The following CLNK variants were observed in gnomAD, a reference collection of about 807,000 sequenced individuals.
CLNK encodes the protein cytokine dependent hematopoietic cell linker, also known as cytokine-dependent hematopoietic cell linker.
Under a neutral mutation model 68.6 loss-of-function variants are expected in CLNK, and 74 were observed. The observed-to-expected ratio is 1.08, with a 90% CI of 0.89 to 1.31. The LOEUF is 1.31. Among genes scored for constraint, CLNK ranks in the 50% most tolerant of loss-of-function variants. The probability of loss-of-function intolerance (pLI) is 0.00; values close to 1 mark genes in which losing one functional copy is unlikely to be tolerated. For synonymous variants in CLNK, 198 were observed against 172.2 expected (o/e 1.15, Z -1.17); for missense variants, 553 against 515.3 (o/e 1.07, Z -0.71).
At chr4:10,730,113 C>T in the CLNK span, among the ~76,000 whole-genome samples, 1 of 152,124 alleles carries the variant, frequency 6.6e-6, no homozygotes, top group Non-Finnish European at 1.5e-5. Context: ...GGCTGTGGGG[C>T]CCTAGTCACG....
rs1158317670 is a variant in CLNK at position 10,637,583 on chromosome 4, C to CTTT, written c.11+30273_11+30275dup. The stretch of plus-strand genomic sequence containing the variant: ...CTCCTGGAACATGCCCACCATTCCT[C>CTTT]TTTTTTTTTTTTTTTTTTTTTTTTT... On this transcript the variant is annotated intron_variant, in intron 2 of 18. Coordinates refer to ENST00000226951, the MANE Select transcript of CLNK (RefSeq NM_052964.4). 1.8e-3 allele frequency among the ~76,000 whole-genome samples: 128 copies of CTTT among 71,444 alleles called. 11 individuals are homozygous for CTTT. The highest frequency in any genetic ancestry group is 3.1e-3 in the Admixed American group (15 of 4,890). 46.9% of individuals were successfully genotyped at this position (71,444 alleles called of 152,430 possible).
chr4:10,522,260 A>C (rs1718109184), intron 14 of CLNK, among the ~76,000 whole-genome samples: 1 of 4,364 alleles, frequency 2.3e-4, no homozygotes, highest in Non-Finnish European at 1.1e-3. Context: ...TCTGTCTCAA[A>C]AAAAAAAAAA....
At chr4:10,602,441 G>A (rs1186233109) in intron 2 of CLNK, among the ~76,000 whole-genome samples, 9 of 152,214 alleles carry the variant, frequency 5.9e-5, no homozygotes, top group Admixed American at 5.9e-4. Flanking sequence ...TTGGGTTAAA[G>A]TGTTCTTCTA....
chr4:10,642,894 A>G (rs1723365318), intron 2 of CLNK, among the ~76,000 whole-genome samples: 1 of 152,226 alleles, frequency 6.6e-6, no homozygotes, highest in South Asian at 2.1e-4. Flanking sequence ...AAATGCTTCA[A>G]AGCCATAAGT....
rs375841946 is a variant in CLNK at position 10,664,140 on chromosome 4, T to C, written c.11+3719A>G. On this transcript the variant is annotated intron_variant, in intron 2 of 18. Transcript: ENST00000226951. ...AAAGTCTGCTTAGGATTCCAGGTTATAAAATTGTAAGAAATTCCAGATTAT... is the reference window on the plus strand; with the variant it reads ...AAAGTCTGCTTAGGATTCCAGGTTACAAAATTGTAAGAAATTCCAGATTAT... 2.6e-5 allele frequency among the ~76,000 whole-genome samples: 4 copies of C among 152,172 alleles called. No individual in the cohort carries two copies. In the East Asian group the frequency reaches 5.8e-4, roughly 22 times the overall value.
intron 11 of CLNK, among the ~76,000 whole-genome samples, chr4:10,536,053 A>G (rs925976154): frequency 6.6e-6 from 1 of 152,184 alleles, no homozygotes; most frequent in Non-Finnish European, 1.5e-5. Flanking sequence ...GCTTAGCTTT[A>G]AAAAAGAGAA....
intron 15 of CLNK, among the ~76,000 whole-genome samples, chr4:10,519,564 C>G (rs538433182): frequency 2.6e-5 from 4 of 152,092 alleles, no homozygotes; most frequent in Non-Finnish European, 4.4e-5. Flanking sequence ...TCTTTGGGCA[C>G]CTTTTAAATA....
chr4:10,582,690 A>C (rs1185068582), intron 4 of CLNK, among the ~76,000 whole-genome samples: 1 of 152,200 alleles, frequency 6.6e-6, no homozygotes, highest in Non-Finnish European at 1.5e-5. Context: ...TGGTTTTCTA[A>C]AGAATATTTT....
chr4:10,636,107 T>A (rs1198065874), intron 2 of CLNK, among the ~76,000 whole-genome samples: 1 of 152,150 alleles, frequency 6.6e-6, no homozygotes, highest in East Asian at 1.9e-4. Flanking sequence ...CAAAACACTG[T>A]CAAGATTGAG....
At chr4:10,559,620 C>T (rs1194738947) in intron 7 of CLNK, among the ~76,000 whole-genome samples, 1 of 152,060 alleles carries the variant, frequency 6.6e-6, no homozygotes, top group African/African-American at 2.4e-5. Context: ...CCCATTGTCT[C>T]CGTCTTAGGT....
At chr4:10,529,715 G>A (rs899782581) in intron 12 of CLNK, among the ~76,000 whole-genome samples, 3 of 152,106 alleles carry the variant, frequency 2.0e-5, no homozygotes, top group African/African-American at 4.8e-5. Flanking sequence ...GTGCTCAATC[G>A]GATGCAGTGA....
intron 10 of CLNK, 98 bp from the exon 11 acceptor site, chr4:10,540,702 T>C: frequency 1.2e-6 from 1 of 817,350 alleles, no homozygotes; most frequent in South Asian, 1.5e-5. Context: ...TGTCCCCAGC[T>C]TTGGGTTGAA....
At chr4:10,603,880 T>A (rs1440819397) in intron 2 of CLNK, among the ~76,000 whole-genome samples, 2 of 152,324 alleles carry the variant, frequency 1.3e-5, no homozygotes, top group African/African-American at 4.8e-5. Flanking sequence ...GGATTCTGAC[T>A]CTTTTATTTA....
intron 12 of CLNK, 101 bp from the exon 13 acceptor site, chr4:10,528,195 G>A: frequency 4.1e-6 from 2 of 492,174 alleles, no homozygotes; most frequent in South Asian, 9.1e-5. Flanking sequence ...GCAGACTTTT[G>A]GTAAAACTTT....
At chr4:10,725,149 G>C in the CLNK span, among the ~76,000 whole-genome samples, 1 of 152,114 alleles carries the variant, frequency 6.6e-6, no homozygotes, top group African/African-American at 2.4e-5. Context: ...AGCACCGTAG[G>C]GATAGAACTG....
chr4:10,714,683 G>GGTGTGTGT, the CLNK span, among the ~76,000 whole-genome samples: 15 of 148,638 alleles, frequency 1.0e-4, no homozygotes, highest in Non-Finnish European at 1.6e-4. Context: ...CATTCATTGT[G>GGTGTGTGT]GTGTGTGTGT....
At chr4:10,672,144 G>A (rs1019522824) in intron 1 of CLNK, among the ~76,000 whole-genome samples, 2 of 152,196 alleles carry the variant, frequency 1.3e-5, no homozygotes, top group Admixed American at 6.5e-5. Flanking sequence ...GGAAGATTGT[G>A]ACCCCATAGT....
Position 10,564,777 on chromosome 4 carries a change from T to A in CLNK, c.293A>T (p.Asp98Val), listed in dbSNP as rs769508750. 1 of 1,586,306 alleles carries A rather than the reference T, an allele frequency of 6.3e-7. No homozygotes were observed. The highest frequency in any genetic ancestry group is 8.7e-7 in the Non-Finnish European group (1 of 1,154,860). Residue 98 changes from aspartate (D) to valine (V), a missense_variant and splice_region_variant, in exon 7 of 19, where the codon GAT (aspartate) becomes GTT (valine). Physicochemically the swap from Asp to Val is radical, Grantham distance 152. Coordinates refer to ENST00000226951, the MANE Select transcript of CLNK (RefSeq NM_052964.4). The part of the protein sequence containing the change: ...ARPIKESEYA[D>V]THYFKVAMDT... ...CATTGCAACCTTGAAATAGTGTGTA[T>A]CTATGCAAACAGAAAAATATGAAAG...
chr4:10,545,514 C>T (rs1308084873), intron 8 of CLNK, among the ~76,000 whole-genome samples: 1 of 152,072 alleles, frequency 6.6e-6, no homozygotes, highest in East Asian at 1.9e-4. Context: ...ACCCAGCTCT[C>T]CCAGGTTGGC....
Sources: allele counts gnomAD v4.1 joint callset (sites outside exome capture counted in the v4.1 genomes callset), GRCh38; gene constraint gnomAD v4.1.1; transcripts MANE v1.5; gene names NCBI Gene and HGNC (gene_info 2026-07-23, HGNC 2026-07-21).